Variants in KCNMA1 observed in about 807,000 individuals in gnomAD.
KCNMA1 encodes potassium calcium-activated channel subfamily M alpha 1.
A neutral mutation model predicts 140.0 loss-of-function variants in KCNMA1; 29 were observed. That is an observed-to-expected ratio of 0.21 (90% confidence interval 0.15 to 0.28). The LOEUF (loss-of-function observed/expected upper bound fraction) is 0.28, where lower values mean the gene tolerates loss of function less well. KCNMA1 is among the 10% of genes least tolerant of loss of function. KCNMA1 has a pLI of 1.00. For missense variants in KCNMA1, 880 were observed against 1,602.2 expected, an observed-to-expected ratio of 0.55 and a Z score of 7.70; for synonymous variants, 612 against 611.9, an observed-to-expected ratio of 1.00 and a Z score of 0.00.
chr10:77,373,570 C>T (rs2094887001), intron 2 of KCNMA1: 1 of 152,176 alleles, frequency 6.6e-6, no homozygotes, highest in South Asian at 2.1e-4. Flanking sequence ...TTGTTCCTAG[C>T]TCTATTACAG....
At chr10:77,476,093 C>T (rs1205106746) in intron 1 of KCNMA1, among the ~76,000 whole-genome samples, 2 of 152,216 alleles carry the variant, frequency 1.3e-5, no homozygotes, top group African/African-American at 4.8e-5. Flanking sequence ...CGGTGCTGGC[C>T]TCCTCCAGCG....
Position 77,538,426 on chromosome 10 carries a change from C to T in KCNMA1, c.378+98839G>A, listed in dbSNP as rs151260579. 3.9e-5 allele frequency among the ~76,000 whole-genome samples: 6 copies of T among 152,312 alleles called. No homozygotes were observed. The East Asian group carries it at 9.6e-4, about 24-fold the overall frequency. ...CCTTGGTCGCTGAAGCAGCCCCAAACCCGCTTTGTCTGGGTCTCTTCCAAC... is the reference window on the plus strand; with the variant it reads ...CCTTGGTCGCTGAAGCAGCCCCAAATCCGCTTTGTCTGGGTCTCTTCCAAC... On this transcript the variant is annotated intron_variant, in intron 1 of 27. Coordinates refer to ENST00000286628, the MANE Select transcript of KCNMA1 (RefSeq NM_001161352.2).
chr10:77,024,387 C>T (rs1239015158), intron 16 of KCNMA1, among the ~76,000 whole-genome samples: 5 of 152,060 alleles, frequency 3.3e-5, no homozygotes, highest in Non-Finnish European at 7.4e-5. Context: ...GACAAATACA[C>T]ACGCACAGAC....
intron 1 of KCNMA1, among the ~76,000 whole-genome samples, chr10:77,425,482 T>A (rs660940): frequency 1.3e-4 from 20 of 151,990 alleles, no homozygotes; most frequent in Admixed American, 3.9e-4. Flanking sequence ...GCCCACACTC[T>A]GTTGAAACCT....
intron 14 of KCNMA1, among the ~76,000 whole-genome samples, chr10:77,049,462 T>C (rs1410095904): frequency 6.6e-6 from 1 of 152,206 alleles, no homozygotes; most frequent in Non-Finnish European, 1.5e-5. Flanking sequence ...ATCACAGCAT[T>C]TGACTTCTCT....
chr10:77,521,893 G>A (rs1422102567), intron 1 of KCNMA1, among the ~76,000 whole-genome samples: 1 of 152,002 alleles, frequency 6.6e-6, no homozygotes, highest in Non-Finnish European at 1.5e-5. Context: ...GAGGACTCAG[G>A]GACCAGGCAC....
intron 6 of KCNMA1, among the ~76,000 whole-genome samples, chr10:77,116,682 C>G (rs1040385095): frequency 6.6e-6 from 1 of 152,068 alleles, no homozygotes; most frequent in Admixed American, 6.6e-5. Flanking sequence ...AATTCAATCC[C>G]TTAATTATCT....
chr10:77,467,527 A>T (rs865969547), intron 1 of KCNMA1, among the ~76,000 whole-genome samples: 51 of 152,166 alleles, frequency 3.4e-4, no homozygotes, highest in African/African-American at 1.2e-3. Context: ...CAGTGGCAGA[A>T]CTCTATGTCA....
intron 1 of KCNMA1, among the ~76,000 whole-genome samples, chr10:77,524,302 G>A (rs756247577): frequency 6.6e-6 from 1 of 152,232 alleles, no homozygotes; most frequent in East Asian, 1.9e-4. Context: ...GTGAGATGTC[G>A]AAGGAGAACG....
chr10:77,154,419 G>A (rs780692445), intron 5 of KCNMA1, among the ~76,000 whole-genome samples: 4 of 152,084 alleles, frequency 2.6e-5, no homozygotes, highest in Admixed American at 6.6e-5. Flanking sequence ...AATGAATGTC[G>A]CTTGCCTTTC....
chr10:77,617,947 G>A (rs2090129838), intron 1 of KCNMA1, among the ~76,000 whole-genome samples: 1 of 152,168 alleles, frequency 6.6e-6, no homozygotes, highest in Non-Finnish European at 1.5e-5. Context: ...TCTCCTGGGT[G>A]CAGTGCTACA....
intron 2 of KCNMA1, among the ~76,000 whole-genome samples, chr10:77,377,128 G>T (rs117565707): frequency 0.016 from 2,403 of 152,292 alleles, 31 homozygotes; most frequent in Non-Finnish European, 0.025. Context: ...CAGCCTGGAC[G>T]TGGGAAAGAA....
chr10:77,415,248 C>T (rs576026052), intron 1 of KCNMA1, among the ~76,000 whole-genome samples: 5 of 152,308 alleles, frequency 3.3e-5, no homozygotes, highest in South Asian at 2.1e-4. Flanking sequence ...GCCAATGTGC[C>T]GTATTTGTAA....
chr10:77,116,936 T>C (rs1406296554), intron 6 of KCNMA1, among the ~76,000 whole-genome samples: 1 of 152,208 alleles, frequency 6.6e-6, no homozygotes, highest in African/African-American at 2.4e-5. Context: ...TCCATGAATC[T>C]AAGAACCTGC....
At chr10:77,580,329 C>T (rs1341426499) in intron 1 of KCNMA1, among the ~76,000 whole-genome samples, 1 of 148,210 alleles carries the variant, frequency 6.7e-6, no homozygotes, top group Non-Finnish European at 1.5e-5. Flanking sequence ...TGCAGTGAGC[C>T]GAGATGGCGC....
chr10:77,429,011 C>T (rs992013237), intron 1 of KCNMA1, among the ~76,000 whole-genome samples: 1 of 152,238 alleles, frequency 6.6e-6, no homozygotes, highest in South Asian at 2.1e-4. Context: ...CACCAGCTCT[C>T]AGGCTGCCAG....
chr10:77,160,341 C>T (rs562518542), intron 5 of KCNMA1, among the ~76,000 whole-genome samples: 1 of 152,316 alleles, frequency 6.6e-6, no homozygotes, highest in South Asian at 2.1e-4. Flanking sequence ...CCCTCCACTC[C>T]ACTTAGTTAA....
chr10:77,550,389 C>T lies in KCNMA1; in HGVS notation c.378+86876G>A, dbSNP rs981348051. Among the ~76,000 whole-genome samples, 9 of 152,182 alleles carry T rather than the reference C, an allele frequency of 5.9e-5. No individual in the cohort carries two copies. The East Asian group carries it at 1.2e-3, about 20-fold the overall frequency. On this transcript the variant is annotated intron_variant, in intron 1 of 27. Coordinates refer to ENST00000286628, the MANE Select transcript of KCNMA1 (RefSeq NM_001161352.2). ...GCAGCTGGAGCTGTCCTCTTTCTGC[C>T]GCTGGAAGCAACTGGAAGTCCCAGG... is the stretch of plus-strand genomic sequence containing the variant.
chr10:77,135,702 C>A (rs980352927), intron 5 of KCNMA1, among the ~76,000 whole-genome samples: 1 of 151,992 alleles, frequency 6.6e-6, no homozygotes, highest in Admixed American at 6.6e-5. Flanking sequence ...TGTGGATGAA[C>A]CTAAAGTTTA....
Sources: gnomAD v4.1 joint callset for allele counts (sites outside exome capture counted in the v4.1 genomes callset) on GRCh38, gnomAD v4.1.1 for gene constraint, MANE v1.5 for transcripts, NCBI Gene and HGNC (gene_info 2026-07-23, HGNC 2026-07-21) for gene names.